Variants in ANKS1B observed in about 807,000 individuals in gnomAD.
ANKS1B encodes the protein ankyrin repeat and sterile alpha motif domain containing 1B, also known as ankyrin repeat and sterile alpha motif domain-containing protein 1B.
A neutral mutation model predicts 148.3 loss-of-function variants in ANKS1B; 36 were observed. The ratio of observed to expected loss-of-function variants is 0.24; its 90% CI spans 0.19 to 0.32. The LOEUF (loss-of-function observed/expected upper bound fraction) is 0.32. Ranked by LOEUF, ANKS1B falls within the 10% of genes least tolerant of loss-of-function variation. The pLI is 1.00. For missense variants in ANKS1B, 1,157 were observed against 1,542.6 expected (o/e 0.75, Z 4.19); for synonymous variants, 542 against 560.8 (o/e 0.97, Z 0.47).
intron 9 of ANKS1B, among the ~76,000 whole-genome samples, chr12:99,635,842 C>T (rs12309550): frequency 3.3e-5 from 5 of 151,756 alleles, no homozygotes; most frequent in East Asian, 1.9e-4. Context: ...CTGGATTATT[C>T]GATAAATGAT....
chr12:99,920,655 A>T (rs1053046525), intron 1 of ANKS1B, among the ~76,000 whole-genome samples: 19 of 152,064 alleles, frequency 1.2e-4, no homozygotes, highest in African/African-American at 4.6e-4. Flanking sequence ...GGTGCGATTC[A>T]GACCAAATCT....
chr12:99,889,635 A>C (rs2092997453), intron 1 of ANKS1B, among the ~76,000 whole-genome samples: 1 of 152,190 alleles, frequency 6.6e-6, no homozygotes, highest in Non-Finnish European at 1.5e-5. Context: ...TTCCACACTA[A>C]AGGTAGAATA....
Position 99,044,234 on chromosome 12 carries a change from G to T in ANKS1B, c.2778+8923C>A, listed in dbSNP as rs1299976379. On this transcript the variant is annotated intron_variant, in intron 17 of 26. Transcript: ENST00000683438. Reference sequence around the variant, plus strand: ...TAAAATTTTTTTTTTTTAGCAACAGGCTCTGCCCTAAATATCTCAAGAAAA... The same window carrying T: ...TAAAATTTTTTTTTTTTAGCAACAGTCTCTGCCCTAAATATCTCAAGAAAA... Among the ~76,000 whole-genome samples, 5 of 151,558 alleles carry T rather than the reference G, an allele frequency of 3.3e-5. No homozygotes were observed. In the East Asian group the frequency reaches 5.9e-4, roughly 18 times the overall value.
At chr12:99,558,400 G>C (rs576123548) in intron 9 of ANKS1B, among the ~76,000 whole-genome samples, 4 of 152,122 alleles carry the variant, frequency 2.6e-5, no homozygotes, top group African/African-American at 9.7e-5. Context: ...ATGCCAGCAT[G>C]GGATGGGAGG....
chr12:99,085,659 T>C (rs1013061665), intron 15 of ANKS1B, among the ~76,000 whole-genome samples: 7 of 152,178 alleles, frequency 4.6e-5, no homozygotes, highest in Non-Finnish European at 1.0e-4. Flanking sequence ...GTGGTACATA[T>C]ACACCATGGA....
intron 12 of ANKS1B, among the ~76,000 whole-genome samples, chr12:99,277,070 A>G (rs538427708): frequency 2.6e-5 from 4 of 152,276 alleles, no homozygotes; most frequent in Admixed American, 2.0e-4. Context: ...CCTGATGATC[A>G]CAGAGCAGTT....
intron 8 of ANKS1B, 120 bp from the exon 9 acceptor site, chr12:99,655,330 G>C (rs1204558919): frequency 2.3e-6 from 2 of 870,876 alleles, no homozygotes; most frequent in Admixed American, 5.3e-5. Flanking sequence ...CTCACTTTTA[G>C]CCACAGTTAC....
intron 9 of ANKS1B, among the ~76,000 whole-genome samples, chr12:99,527,578 G>T (rs1023657837): frequency 6.6e-6 from 1 of 152,088 alleles, no homozygotes; most frequent in African/African-American, 2.4e-5. Context: ...ATTATCCCAG[G>T]TCATGTTGAT....
At chr12:99,181,619 T>G (rs1452093423) in intron 14 of ANKS1B, among the ~76,000 whole-genome samples, 3 of 152,138 alleles carry the variant, frequency 2.0e-5, no homozygotes, top group African/African-American at 7.2e-5. Context: ...GGGAAAAACA[T>G]TTTTTCAAGA....
intron 2 of ANKS1B, among the ~76,000 whole-genome samples, chr12:99,818,103 G>A (rs2082095566): frequency 1.3e-5 from 2 of 151,746 alleles, no homozygotes; most frequent in African/African-American, 4.8e-5. Context: ...AAACACCTCA[G>A]GACATTGGTC....
chr12:99,416,128 T>G (rs2094899742), intron 11 of ANKS1B, among the ~76,000 whole-genome samples: 2 of 152,226 alleles, frequency 1.3e-5, no homozygotes, highest in South Asian at 4.1e-4. Context: ...TGTAACCTTT[T>G]AGGACTGGCT....
intron 8 of ANKS1B, among the ~76,000 whole-genome samples, chr12:99,673,106 A>G (rs2098546154): frequency 6.6e-6 from 1 of 152,134 alleles, no homozygotes; most frequent in Non-Finnish European, 1.5e-5. Flanking sequence ...TTCTAAGACC[A>G]TATAATCTTA....
intron 8 of ANKS1B, among the ~76,000 whole-genome samples, chr12:99,716,855 G>A (rs182140695): frequency 2.6e-5 from 4 of 151,870 alleles, no homozygotes; most frequent in Non-Finnish European, 5.9e-5. Flanking sequence ...TCGCCAGGCC[G>A]AGCTAGGTCC....
Position 99,731,413 on chromosome 12 carries a change from CGTGTGTGTGTGTGTGT to C in ANKS1B, c.1128+41493_1128+41508del, listed in dbSNP as rs71088145. The stretch of plus-strand genomic sequence containing the variant: ...GGATTATAGGCGTGAACCACCGTGC[CGTGTGTGTGTGTGTGT>C]GTGTGTGTGTGTGTGTGTGTGTGTG... On this transcript the variant is annotated intron_variant, in intron 8 of 26. Transcript: ENST00000683438. Among the ~76,000 whole-genome samples the C allele has an allele frequency of 9.5e-3, 1,362 of 143,834 alleles. 11 individuals are homozygous for C. The highest frequency in any genetic ancestry group is 0.043 in the Middle Eastern group (12 of 282). The allele number at this position is 143,834 out of a possible 152,430, so 94.4% of individuals were successfully genotyped here.
chr12:99,054,620 C>A (rs1247506995), intron 16 of ANKS1B, among the ~76,000 whole-genome samples: 1 of 152,174 alleles, frequency 6.6e-6, no homozygotes, highest in Non-Finnish European at 1.5e-5. Context: ...CTCACTGCAA[C>A]CTCCACCTCC....
At chr12:99,448,884 T>C (rs946128617) in intron 10 of ANKS1B, among the ~76,000 whole-genome samples, 2 of 152,020 alleles carry the variant, frequency 1.3e-5, no homozygotes, top group African/African-American at 4.8e-5. Flanking sequence ...CAATATTGCC[T>C]TCCCATTCTC....
At chr12:99,238,702 G>C (rs1237487432) in intron 14 of ANKS1B, among the ~76,000 whole-genome samples, 1 of 152,180 alleles carries the variant, frequency 6.6e-6, no homozygotes, top group African/African-American at 2.4e-5. Flanking sequence ...CTGGGACAAA[G>C]CTTCCAGAGG....
intron 12 of ANKS1B, among the ~76,000 whole-genome samples, chr12:99,385,635 C>T (rs953044820): frequency 6.6e-5 from 10 of 152,198 alleles, no homozygotes; most frequent in African/African-American, 2.4e-4. Flanking sequence ...TAGTAGCAAA[C>T]TACTTAGCTT....
At chr12:99,944,599 C>A (rs2095009610) in intron 1 of ANKS1B, among the ~76,000 whole-genome samples, 1 of 152,100 alleles carries the variant, frequency 6.6e-6, no homozygotes. Flanking sequence ...GGGTGCTGGA[C>A]TCGCAGGCAA....
Sources: gnomAD v4.1 joint callset for allele counts (sites outside exome capture counted in the v4.1 genomes callset) on GRCh38, gnomAD v4.1.1 for gene constraint, MANE v1.5 for transcripts, NCBI Gene and HGNC (gene_info 2026-07-23, HGNC 2026-07-21) for gene names.